Variants in SLIT3 observed in about 807,000 individuals in gnomAD.
SLIT3 encodes the protein slit guidance ligand 3, also known as slit homolog 3 protein.
In SLIT3, 68 loss-of-function variants were observed where a neutral mutation model predicts 184.0. The ratio of observed to expected loss-of-function variants is 0.37; its 90% CI spans 0.30 to 0.45. The LOEUF (loss-of-function observed/expected upper bound fraction) is 0.45. Among genes scored for constraint, SLIT3 ranks in the 20% least tolerant of loss-of-function variants. SLIT3 has a pLI of 1.00. For synonymous variants in SLIT3, 831 were observed against 828.6 expected, an observed-to-expected ratio of 1.00 and a Z score of -0.05; for missense variants, 1,707 against 2,026.0, an observed-to-expected ratio of 0.84 and a Z score of 3.02.
intron 32 of SLIT3, among the ~76,000 whole-genome samples, chr5:168,681,159 C>T (rs1485200331): frequency 6.6e-6 from 1 of 151,880 alleles, no homozygotes; most frequent in Non-Finnish European, 1.5e-5. Context: ...CAAGAAAACC[C>T]AAAAAACAAA....
At chr5:169,064,518 T>TAA (rs1355156816) in intron 4 of SLIT3, among the ~76,000 whole-genome samples, 2 of 152,202 alleles carry the variant, frequency 1.3e-5, no homozygotes, top group Non-Finnish European at 2.9e-5. Context: ...GCCAGGGATG[T>TAA]AAAATGACTT....
intron 34 of SLIT3, 128 bp downstream of exon 34, chr5:168,671,070 A>T: frequency 9.5e-7 from 1 of 1,056,740 alleles, no homozygotes; most frequent in Non-Finnish European, 1.4e-6. Flanking sequence ...AGTTACACTT[A>T]CACAGATCCT....
intron 4 of SLIT3, among the ~76,000 whole-genome samples, chr5:168,978,255 T>C (rs1221107527): frequency 6.6e-6 from 1 of 152,266 alleles, no homozygotes; most frequent in Non-Finnish European, 1.5e-5. Flanking sequence ...ATTGGAGGAT[T>C]ACCTAAGGTC....
rs1319275315 is a variant in SLIT3 at position 168,750,756 on chromosome 5, C to A, written c.1974-1121G>T. On this transcript the variant is annotated intron_variant, in intron 18 of 35. Transcript: ENST00000519560. ...CATCACTCGTTCATTCGATTCATTC[C>A]TTTACTCAACAATTATATGCCGGGC... is the stretch of plus-strand genomic sequence containing the variant. Among the ~76,000 whole-genome samples the A allele has an allele frequency of 2.0e-5, 3 of 151,982 alleles. 1 individual carries two copies. The highest frequency in any genetic ancestry group is 7.3e-5 in the African/African-American group (3 of 41,376).
At position 168,821,177 on chromosome 5, in the gene SLIT3, C is replaced by T. The variant is rs985511882; in HGVS notation, c.629+2083G>A. On this transcript the variant is annotated intron_variant, in intron 7 of 35. Transcript: ENST00000519560. ...ACAACAGAAACCAGTAGAAAAAAAC[C>T]CTCCTGTTCTCTTCCCCCGCCCTAC... 3.3e-5 allele frequency among the ~76,000 whole-genome samples: 5 copies of T among 152,294 alleles called. No individual in the cohort carries two copies. In the South Asian group the frequency reaches 1.0e-3, roughly 32 times the overall value.
chr5:168,747,720 T>C (rs1009984361), intron 20 of SLIT3, among the ~76,000 whole-genome samples: 1 of 152,098 alleles, frequency 6.6e-6, no homozygotes, highest in African/African-American at 2.4e-5. Flanking sequence ...AAACAGGACC[T>C]GAGGAGTCAG....
intron 3 of SLIT3, among the ~76,000 whole-genome samples, chr5:169,228,686 G>A (rs1294888681): frequency 1.3e-5 from 2 of 152,128 alleles, no homozygotes; most frequent in Non-Finnish European, 2.9e-5. Flanking sequence ...TAAAACATGA[G>A]AATTAAAGCA....
At chr5:168,872,797 C>T (rs1476919741) in intron 5 of SLIT3, among the ~76,000 whole-genome samples, 1 of 151,928 alleles carries the variant, frequency 6.6e-6, no homozygotes, top group Non-Finnish European at 1.5e-5. Context: ...CCCGCCACCA[C>T]ACCCGGCTAA....
intron 3 of SLIT3, among the ~76,000 whole-genome samples, chr5:169,217,191 AACT>A (rs1287430472): frequency 2.6e-5 from 4 of 151,942 alleles, no homozygotes; most frequent in Non-Finnish European, 5.9e-5. Flanking sequence ...TGGGGAGCTA[AACT>A]TTAAGTTCTT....
chr5:169,185,218 G>C (rs562578449), intron 4 of SLIT3, among the ~76,000 whole-genome samples: 1 of 152,204 alleles, frequency 6.6e-6, no homozygotes, highest in African/African-American at 2.4e-5. Context: ...ACACAAGGCT[G>C]GCCTCACTGC....
At chr5:168,980,480 G>A (rs1169653635) in intron 4 of SLIT3, among the ~76,000 whole-genome samples, 1 of 152,176 alleles carries the variant, frequency 6.6e-6, no homozygotes, top group African/African-American at 2.4e-5. Context: ...GAGAATATCA[G>A]TTTTTGGCAA....
intron 3 of SLIT3, among the ~76,000 whole-genome samples, chr5:169,232,628 A>G (rs779404684): frequency 6.6e-6 from 1 of 152,202 alleles, no homozygotes; most frequent in Non-Finnish European, 1.5e-5. Context: ...AGTTTTCCAT[A>G]TGGTTACCCA....
chr5:169,235,109 A>C (rs1453680570), intron 3 of SLIT3, among the ~76,000 whole-genome samples: 1 of 152,262 alleles, frequency 6.6e-6, no homozygotes, highest in East Asian at 1.9e-4. Flanking sequence ...CAGTACTATC[A>C]GTTTTGTTTT....
chr5:169,130,883 T>C (rs918169557), intron 4 of SLIT3, among the ~76,000 whole-genome samples: 1 of 152,166 alleles, frequency 6.6e-6, no homozygotes, highest in Admixed American at 6.5e-5. Context: ...TACAGAATGA[T>C]AGAGTATACT....
At chr5:168,875,448 A>G (rs1759697373) in intron 5 of SLIT3, among the ~76,000 whole-genome samples, 1 of 152,086 alleles carries the variant, frequency 6.6e-6, no homozygotes, top group African/African-American at 2.4e-5. Context: ...GCTGGTCAAC[A>G]TGGTGTAACA....
At chr5:169,288,758 C>G (rs1000284110) in intron 1 of SLIT3, among the ~76,000 whole-genome samples, 1 of 152,198 alleles carries the variant, frequency 6.6e-6, no homozygotes, top group Non-Finnish European at 1.5e-5. Context: ...GTCCTCTAAA[C>G]TCCACCTGGT....
chr5:168,750,477 T>C (rs906795492), intron 18 of SLIT3, among the ~76,000 whole-genome samples: 7 of 152,210 alleles, frequency 4.6e-5, no homozygotes, highest in Admixed American at 6.5e-5. Flanking sequence ...TGTAGGATGA[T>C]ACAGCAATGA....
chr5:168,726,362 G>C (rs1763108809), intron 20 of SLIT3, among the ~76,000 whole-genome samples: 1 of 93,736 alleles, frequency 1.1e-5, no homozygotes, highest in East Asian at 2.9e-4. Flanking sequence ...GGGAGGGAGA[G>C]GGAGGCAGGG....
chr5:169,237,584 T>A (rs1356982687), intron 3 of SLIT3, among the ~76,000 whole-genome samples: 2 of 152,234 alleles, frequency 1.3e-5, no homozygotes, highest in Non-Finnish European at 1.5e-5. Flanking sequence ...GTCAATTTTT[T>A]AAATTTTCAC....
Sources: allele counts gnomAD v4.1 joint callset (sites outside exome capture counted in the v4.1 genomes callset), GRCh38; gene constraint gnomAD v4.1.1; transcripts MANE v1.5; gene names NCBI Gene and HGNC (gene_info 2026-07-23, HGNC 2026-07-21).